Variants in GUF1 observed in about 807,000 individuals in gnomAD.
The protein encoded by GUF1 is translation factor GUF1, mitochondrial.
GUF1 carries 78 observed loss-of-function variants against 82.4 expected under a neutral mutation model. That is an observed-to-expected ratio of 0.95 (90% CI 0.79 to 1.14). The LOEUF (loss-of-function observed/expected upper bound fraction) is 1.14, where lower values mean the gene tolerates loss of function less well. GUF1 is among the 50% of genes most tolerant of loss of function. The pLI is 0.00. For missense variants in GUF1, 814 were observed against 798.2 expected (o/e 1.02, Z -0.24); for synonymous variants, 279 against 282.3 (o/e 0.99, Z 0.12).
In GUF1 at chr4:44,698,549, T is replaced by C; in HGVS notation, c.1878T>C (p.Gly626=). 1 of 1,592,218 alleles carries C rather than the reference T, an allele frequency of 6.3e-7. No homozygotes were observed. The highest frequency in any genetic ancestry group is 8.5e-7 in the Non-Finnish European group (1 of 1,173,532). ...YRKNVLAKCY[G]GDITRKMKLL... Reference sequence around the variant, plus strand: ...TGTTTTAAAATATTTTTCAGTATGGTGGTGATATTACCCGAAAAATGAAGC... The same window carrying C: ...TGTTTTAAAATATTTTTCAGTATGGCGGTGATATTACCCGAAAAATGAAGC... The change falls in exon 17 of 17, where the codon GGT becomes GGC. Residue 626 remains glycine (G), a synonymous_variant. Coordinates refer to ENST00000281543, the MANE Select transcript of GUF1 (RefSeq NM_021927.3).
chr4:44,681,271 T>G, intron 4 of GUF1, 68 bp downstream of exon 4: 1 of 1,147,234 alleles, frequency 8.7e-7, no homozygotes, highest in Non-Finnish European at 1.3e-6. Context: ...AGTTTTTCTT[T>G]AAAATGTGTT....
intron 1 of GUF1, 93 bp downstream of exon 1, chr4:44,678,880 C>A: frequency 7.8e-7 from 1 of 1,281,528 alleles, no homozygotes; most frequent in Non-Finnish European, 1.0e-6. Context: ...CTGGGACTAG[C>A]TCTGAACCCT....
chr4:44,686,929 C>A (rs976691921), intron 8 of GUF1, among the ~76,000 whole-genome samples: 1 of 151,852 alleles, frequency 6.6e-6, no homozygotes, highest in African/African-American at 2.4e-5. Context: ...CTAGTTATAA[C>A]TAGATTTATG....
intron 9 of GUF1, among the ~76,000 whole-genome samples, chr4:44,688,601 C>T (rs1044894005): frequency 6.6e-6 from 1 of 151,786 alleles, no homozygotes; most frequent in African/African-American, 2.4e-5. Context: ...GAATCTTTTA[C>T]TTCATTTACT....
chr4:44,689,200 T>G, intron 9 of GUF1, 86 bp from the exon 10 acceptor site: 1 of 1,218,802 alleles, frequency 8.2e-7, no homozygotes, highest in African/African-American at 1.6e-5. Context: ...AAATGACTAA[T>G]TTGGAACTTG....
intron 3 of GUF1, 107 bp from the exon 4 acceptor site, chr4:44,681,016 A>G (rs1714742754): frequency 8.5e-7 from 1 of 1,181,266 alleles, no homozygotes; most frequent in African/African-American, 1.5e-5. Context: ...ACAAAAAAGA[A>G]ACGAATATTT....
intron 9 of GUF1, 147 bp downstream of exon 9, chr4:44,688,293 G>T: frequency 1.3e-6 from 1 of 782,628 alleles, no homozygotes; most frequent in Non-Finnish European, 2.0e-6. Context: ...CTGTTTATCA[G>T]TTTATAATTA....
chr4:44,683,398 T>A, intron 6 of GUF1, 80 bp downstream of exon 6: 1 of 739,230 alleles, frequency 1.4e-6, no homozygotes, highest in South Asian at 2.0e-5. Context: ...TGGTATTTGA[T>A]AACCTGGCAT....
chr4:44,684,185 G>A (rs928070052), intron 6 of GUF1, among the ~76,000 whole-genome samples: 3 of 152,008 alleles, frequency 2.0e-5, no homozygotes, highest in Non-Finnish European at 4.4e-5. Flanking sequence ...AAATTCATTC[G>A]ACAAATTGTT....
intron 8 of GUF1, 122 bp downstream of exon 8, chr4:44,686,835 C>T (rs763832983): frequency 3.0e-6 from 2 of 670,838 alleles, no homozygotes; most frequent in Non-Finnish European, 5.3e-6. Context: ...CTATTTAATG[C>T]AACTATACAG....
At chr4:44,689,121 C>T (rs1178947984) in intron 9 of GUF1, among the ~76,000 whole-genome samples, 165 bp from the exon 10 acceptor site, 1 of 151,358 alleles carries the variant, frequency 6.6e-6, no homozygotes, top group Non-Finnish European at 1.5e-5. Context: ...ACTTTGAAAC[C>T]AAATAATCAT....
chr4:44,700,715 T>A lies in GUF1; in HGVS notation c.*2034T>A, dbSNP rs375906983. 7.9e-5 allele frequency: 12 copies of A among 152,172 alleles called. No individual in the cohort carries two copies. Among genetic ancestry groups the A allele is most frequent in the African/African-American group, 2.7e-4 (11 of 41,424 alleles). The allele number at this position is 152,172 out of a possible 1,614,324, so 9.4% of individuals were successfully genotyped here. A position where few individuals can be genotyped will look rare whatever the true frequency, so the allele number is the denominator to read the frequency against. ...TGTCTCAGATATTTTGAGCTTACAG[T>A]TATTGTGAAATCATTTTAATTATAA... is the stretch of plus-strand genomic sequence containing the variant. On this transcript the variant is annotated 3_prime_UTR_variant, in exon 17 of 17. Transcript: ENST00000281543.
At chr4:44,695,778 G>A (rs1356887058) in intron 15 of GUF1, 44 bp downstream of exon 15, 1 of 1,583,748 alleles carries the variant, frequency 6.3e-7, no homozygotes, top group Non-Finnish European at 8.6e-7. Flanking sequence ...TTTCAGAAAT[G>A]ATATACCTAA....
chr4:44,699,743 T>C lies in GUF1; in HGVS notation c.*1062T>C, dbSNP rs1716101522. On this transcript the variant is annotated 3_prime_UTR_variant, in exon 17 of 17. Coordinates refer to ENST00000281543, the MANE Select transcript of GUF1 (RefSeq NM_021927.3). ...ACATCTGCTCTAGTTAATGATAAAA[T>C]GTTTATAGATTTTATCAGGTGGTTA... is the stretch of plus-strand genomic sequence containing the variant. The C allele has an allele frequency of 1.3e-5, 2 of 152,322 alleles. No individual in the cohort carries two copies. Among genetic ancestry groups the C allele is most frequent in the South Asian group, 4.1e-4 (2 of 4,822 alleles). The allele number at this position is 152,322 out of a possible 1,614,324, so 9.4% of individuals were successfully genotyped here.
rs1397781487 is a variant in GUF1 at position 44,689,281 on chromosome 4, C to G, written c.1079-5C>G. On this transcript the variant is annotated splice_polypyrimidine_tract_variant and splice_region_variant and intron_variant, in intron 9 of 16. Transcript: ENST00000281543. ...CGTGATAATTAGAAATCATTGTATC[C>G]CCAGGAATGTATCCTCTAGACCAAT... 1 of 1,576,970 alleles carries G rather than the reference C, an allele frequency of 6.3e-7. No homozygotes were observed. Among genetic ancestry groups the G allele is most frequent in the Non-Finnish European group, 8.6e-7 (1 of 1,160,436 alleles).
At chr4:44,685,711 A>G (rs1715005816) in intron 6 of GUF1, among the ~76,000 whole-genome samples, 1 of 152,078 alleles carries the variant, frequency 6.6e-6, no homozygotes, top group African/African-American at 2.4e-5. Flanking sequence ...ATTTCGAACT[A>G]TTCCTCTTTC....
chr4:44,689,490 G>A, intron 10 of GUF1, 81 bp downstream of exon 10: 1 of 1,380,002 alleles, frequency 7.2e-7, no homozygotes, highest in East Asian at 2.5e-5. Flanking sequence ...GGAAAGGGAG[G>A]TTTTTAAAAA....
At chr4:44,679,357 A>G (rs761743909) in intron 1 of GUF1, among the ~76,000 whole-genome samples, 4 of 152,142 alleles carry the variant, frequency 2.6e-5, no homozygotes, top group Non-Finnish European at 4.4e-5. Context: ...AAACCTGTGT[A>G]ATTTTGACTC....
Position 44,691,857 on chromosome 4 carries a change from C to T in GUF1, c.1613+58C>T. The T allele has an allele frequency of 3.5e-6, 4 of 1,141,688 alleles. No homozygotes were observed. The South Asian group carries it at 5.9e-5, about 17-fold the overall frequency. The allele number at this position is 1,141,688 out of a possible 1,614,324, so 70.7% of individuals were successfully genotyped here. On this transcript the variant is annotated intron_variant, in intron 13 of 16. Transcript: ENST00000281543. ...CCAACTTTTTTGAAATATTGATGAGCAAGGGTATACTAATTCTTCATTTAT... is the reference window on the plus strand; with the variant it reads ...CCAACTTTTTTGAAATATTGATGAGTAAGGGTATACTAATTCTTCATTTAT...
Sources: allele counts gnomAD v4.1 joint callset (sites outside exome capture counted in the v4.1 genomes callset), GRCh38; gene constraint gnomAD v4.1.1; transcripts MANE v1.5; gene names NCBI Gene and HGNC (gene_info 2026-07-23, HGNC 2026-07-21).